The following RYR2 variants were observed in gnomAD, a reference collection of about 807,000 sequenced individuals.
The protein encoded by RYR2 is cardiac muscle ryanodine receptor-calcium release channel.
In RYR2, 227 loss-of-function variants were observed where a neutral mutation model predicts 601.1. The ratio of observed to expected loss-of-function variants is 0.38; its 90% CI spans 0.34 to 0.42. The LOEUF is 0.42. RYR2 is among the 10% of genes least tolerant of loss of function. The pLI is 1.00. For synonymous variants in RYR2, 2,223 were observed against 2,175.1 expected, an observed-to-expected ratio of 1.02 and a Z score of -0.61; for missense variants, 4,646 against 6,156.5, an observed-to-expected ratio of 0.75 and a Z score of 8.21.
chr1:237,576,684 C>T (rs1434007961), intron 29 of RYR2, among the ~76,000 whole-genome samples: 1 of 151,924 alleles, frequency 6.6e-6, no homozygotes, highest in Non-Finnish European at 1.5e-5. Flanking sequence ...GTTCTGCTTC[C>T]TTAAAGGAAG....
At chr1:237,592,749 G>C (rs2997970) in intron 32 of RYR2, among the ~76,000 whole-genome samples, 8 of 151,524 alleles carry the variant, frequency 5.3e-5, no homozygotes, top group African/African-American at 1.9e-4. Flanking sequence ...GGCCAGGTGC[G>C]GTGACTCGCG....
intron 25 of RYR2, among the ~76,000 whole-genome samples, chr1:237,531,834 G>C (rs1668166851): frequency 1.3e-5 from 2 of 152,126 alleles, no homozygotes; most frequent in Non-Finnish European, 2.9e-5. Context: ...AACTTTGAGT[G>C]TATCTTATGA....
intron 2 of RYR2, among the ~76,000 whole-genome samples, chr1:237,308,804 T>A (rs12129966): frequency 2.0e-5 from 3 of 152,082 alleles, no homozygotes; most frequent in Admixed American, 1.3e-4. Flanking sequence ...TTGCCTCTGC[T>A]GGCTTGGGCA....
chr1:237,507,079 T>A (rs1356061808), intron 23 of RYR2, among the ~76,000 whole-genome samples: 1 of 152,232 alleles, frequency 6.6e-6, no homozygotes, highest in Non-Finnish European at 1.5e-5. Context: ...GAAAGTTATA[T>A]TTTCAAATCA....
At chr1:237,214,261 C>G (rs1682928059) in intron 1 of RYR2, among the ~76,000 whole-genome samples, 1 of 152,062 alleles carries the variant, frequency 6.6e-6, no homozygotes, top group Admixed American at 6.6e-5. Flanking sequence ...CTGCATTTTT[C>G]ATTAGTATAT....
chr1:237,581,756 G>A (rs1302281384), intron 29 of RYR2, among the ~76,000 whole-genome samples: 5 of 152,178 alleles, frequency 3.3e-5, no homozygotes, highest in Non-Finnish European at 5.9e-5. Context: ...CCTGTCACCA[G>A]CATCCTCTGT....
intron 1 of RYR2, among the ~76,000 whole-genome samples, chr1:237,214,553 C>G (rs1682958444): frequency 6.6e-6 from 1 of 152,172 alleles, no homozygotes; most frequent in Admixed American, 6.5e-5. Context: ...CTCATTACTG[C>G]AAGGTATTCA....
At chr1:237,654,191 T>G in intron 51 of RYR2, 83 bp from the exon 52 acceptor site, 1 of 1,515,026 alleles carries the variant, frequency 6.6e-7, no homozygotes, top group South Asian at 1.3e-5. Context: ...AATGTAGCAT[T>G]AGAGTGTGAT....
At chr1:237,470,478 A>G (rs748268842) in intron 17 of RYR2, among the ~76,000 whole-genome samples, 2 of 152,162 alleles carry the variant, frequency 1.3e-5, no homozygotes, top group South Asian at 4.1e-4. Flanking sequence ...GAGGACAAAA[A>G]TTTGAGTCAT....
At chr1:237,074,638 G>A (rs1167207782) in intron 1 of RYR2, among the ~76,000 whole-genome samples, 1 of 152,328 alleles carries the variant, frequency 6.6e-6, no homozygotes, top group East Asian at 1.9e-4. Flanking sequence ...GTCACCACGG[G>A]TAGAATGTGT....
chr1:237,228,297 C>G (rs1339951227), intron 1 of RYR2, among the ~76,000 whole-genome samples: 1 of 152,184 alleles, frequency 6.6e-6, no homozygotes, highest in Non-Finnish European at 1.5e-5. Flanking sequence ...GCTGCAAATG[C>G]CATTAATTCA....
chr1:237,723,027 AG>A lies in RYR2; in HGVS notation c.10555-100del. The A allele has an allele frequency of 5.9e-6, 6 of 1,012,034 alleles. 1 individual carries two copies. Among genetic ancestry groups the A allele is most frequent in the Non-Finnish European group, 8.7e-6 (6 of 689,534 alleles). 62.7% of individuals were successfully genotyped at this position (1,012,034 alleles called of 1,614,324 possible). On this transcript the variant is annotated intron_variant, in intron 73 of 104. Transcript: ENST00000366574. ...ATGTCTTAACTGGTAAACACTGTAA[AG>A]CCCAATAAATAATGATGGGTGGACT...
At chr1:237,737,107 G>A (rs1691219177) in intron 79 of RYR2, among the ~76,000 whole-genome samples, 1 of 152,188 alleles carries the variant, frequency 6.6e-6, no homozygotes, top group South Asian at 2.1e-4. Flanking sequence ...CTTGATTTAA[G>A]AATAGGTTGT....
intron 80 of RYR2, among the ~76,000 whole-genome samples, chr1:237,754,587 A>C (rs1306197370): frequency 6.6e-6 from 1 of 152,188 alleles, no homozygotes; most frequent in Admixed American, 6.5e-5. Context: ...GGACAGTTTC[A>C]TGAGCGAATA....
In RYR2 at chr1:237,783,664, T is replaced by G. The variant is rs790889; in HGVS notation, c.11963-11T>G. 24 of 1,563,650 alleles carry G rather than the reference T, an allele frequency of 1.5e-5. No homozygotes were observed. The highest frequency in any genetic ancestry group is 1.8e-5 in the Non-Finnish European group (21 of 1,145,020). ...GTTTATTTTAAACAAATGCAACTGCTTTACCACCAGGTAATGTTGTTAATG... is the reference window on the plus strand; with the variant it reads ...GTTTATTTTAAACAAATGCAACTGCGTTACCACCAGGTAATGTTGTTAATG... On this transcript the variant is annotated splice_polypyrimidine_tract_variant and intron_variant, in intron 89 of 104. Coordinates refer to ENST00000366574, the MANE Select transcript of RYR2 (RefSeq NM_001035.3).
At chr1:237,389,118 C>T (rs777186258) in intron 10 of RYR2, among the ~76,000 whole-genome samples, 23 of 152,092 alleles carry the variant, frequency 1.5e-4, no homozygotes, top group Non-Finnish European at 5.9e-5. Flanking sequence ...GGAAACATTC[C>T]GTAAGCTAAA....
intron 1 of RYR2, among the ~76,000 whole-genome samples, chr1:237,195,370 C>T (rs1265037153): frequency 6.6e-6 from 1 of 152,216 alleles, no homozygotes; most frequent in Admixed American, 6.5e-5. Flanking sequence ...TCTCCTGCCT[C>T]AGCCTCCTGA....
chr1:237,042,939 C>G (rs1036579671), intron 1 of RYR2, among the ~76,000 whole-genome samples: 1 of 152,070 alleles, frequency 6.6e-6, no homozygotes, highest in East Asian at 1.9e-4. Flanking sequence ...CCCGGGCGGC[C>G]GGGGGCAGGG....
intron 3 of RYR2, among the ~76,000 whole-genome samples, chr1:237,337,494 T>C (rs559661617): frequency 1.1e-4 from 16 of 152,208 alleles, no homozygotes; most frequent in Non-Finnish European, 1.3e-4. Flanking sequence ...TCATAGATTA[T>C]AGTACAAACT....
Sources: gnomAD v4.1 joint callset for allele counts (sites outside exome capture counted in the v4.1 genomes callset) on GRCh38, gnomAD v4.1.1 for gene constraint, MANE v1.5 for transcripts, NCBI Gene and HGNC (gene_info 2026-07-23, HGNC 2026-07-21) for gene names.